MAMLD1: variants seen among roughly 807,000 people sequenced by gnomAD.
MAMLD1 encodes the protein mastermind like domain containing 1, also known as mastermind-like domain-containing protein 1.
MAMLD1 carries 14 observed loss-of-function variants against 45.0 expected under a neutral mutation model. That is an observed-to-expected ratio of 0.31 (90% confidence interval 0.21 to 0.49). MAMLD1 has a LOEUF of 0.49. Among genes scored for constraint, MAMLD1 ranks in the 20% least tolerant of loss-of-function variants. The pLI is 0.99. For missense variants in MAMLD1, 543 were observed against 603.6 expected, an observed-to-expected ratio of 0.90 and a Z score of 1.05; for synonymous variants, 254 against 247.8, an observed-to-expected ratio of 1.02 and a Z score of -0.24.
intron 3 of MAMLD1, among the ~76,000 whole-genome samples, chrX:150,466,739 T>C (rs782645712): frequency 8.9e-6 from 1 of 112,037 alleles, no homozygotes; most frequent in South Asian, 3.8e-4. Flanking sequence ...AAAAGGTGTG[T>C]GTATACGGGC....
intron 5 of MAMLD1, among the ~76,000 whole-genome samples, chrX:150,499,728 G>A (rs1430038950): frequency 9.0e-6 from 1 of 111,502 alleles, no homozygotes; most frequent in East Asian, 2.8e-4. Flanking sequence ...TATTAGCTAG[G>A]AACAATCTAT....
At chrX:150,376,923 CTGAG>C (rs1191299662) in intron 1 of MAMLD1, among the ~76,000 whole-genome samples, 3 of 109,043 alleles carry the variant, frequency 2.8e-5, no homozygotes, top group East Asian at 5.7e-4. Context: ...TATTTTTGTA[CTGAG>C]TAACAGTTTG....
chrX:150,404,657 T>C (rs2033953668), intron 1 of MAMLD1, among the ~76,000 whole-genome samples: 1 of 111,688 alleles, frequency 9.0e-6, no homozygotes, highest in South Asian at 3.8e-4. Context: ...GTCCCCAAAG[T>C]TTCCTTGTGG....
intron 6 of MAMLD1, among the ~76,000 whole-genome samples, chrX:150,507,744 C>G (rs2037773668): frequency 8.9e-6 from 1 of 112,502 alleles, no homozygotes. Flanking sequence ...TGAAGCCTGC[C>G]CTGCCCCGGC....
At chrX:150,473,360 CT>C (rs1213882855) in intron 4 of MAMLD1, among the ~76,000 whole-genome samples, 3 of 112,442 alleles carry the variant, frequency 2.7e-5, no homozygotes, top group African/African-American at 9.7e-5. Context: ...TTATAAAGTG[CT>C]TGGCCAGAGA....
intron 3 of MAMLD1, among the ~76,000 whole-genome samples, chrX:150,469,511 G>A (rs1383551628): frequency 8.9e-6 from 1 of 111,930 alleles, no homozygotes; most frequent in Non-Finnish European, 1.9e-5. Context: ...GTATTTTATA[G>A]TTTTCACAAC....
intron 3 of MAMLD1, among the ~76,000 whole-genome samples, chrX:150,464,934 T>C (rs1455979542): frequency 8.9e-6 from 1 of 112,141 alleles, no homozygotes; most frequent in Non-Finnish European, 1.9e-5. Flanking sequence ...TGAACTGAAC[T>C]GGTGAGGCAC....
At chrX:150,481,961 G>GAAAAAAGAAAGAAAGAAAGA (rs2036789901) in intron 5 of MAMLD1, among the ~76,000 whole-genome samples, 1 of 58,213 alleles carries the variant, frequency 1.7e-5, no homozygotes, top group Non-Finnish European at 3.0e-5. Flanking sequence ...AAGAAAGAAA[G>GAAAAAAGAAAGAAAGAAAGA]AAAAAAGAAA....
intron 5 of MAMLD1, among the ~76,000 whole-genome samples, chrX:150,489,388 T>C (rs1346596111): frequency 9.1e-6 from 1 of 109,970 alleles, no homozygotes; most frequent in African/African-American, 3.3e-5. Context: ...AGAGTCAAGG[T>C]AGCTTCCTTG....
chrX:150,399,012 C>T (rs1329869056), intron 1 of MAMLD1, among the ~76,000 whole-genome samples: 2 of 112,298 alleles, frequency 1.8e-5, no homozygotes, highest in South Asian at 3.7e-4. Flanking sequence ...CTGAGTATGA[C>T]ATGCTGGTAA....
intron 1 of MAMLD1, among the ~76,000 whole-genome samples, chrX:150,390,810 CTGTT>C (rs1304645792): frequency 8.9e-6 from 1 of 112,267 alleles, no homozygotes; most frequent in Non-Finnish European, 1.9e-5. Flanking sequence ...CATTTCCTGT[CTGTT>C]TGAGAACTTC....
At chrX:150,409,494 A>G (rs148367757) in intron 1 of MAMLD1, among the ~76,000 whole-genome samples, 353 of 111,366 alleles carry the variant, frequency 3.2e-3, no homozygotes, top group African/African-American at 0.011. Flanking sequence ...TAAGTATTGC[A>G]TGTCTGAAAA....
rs782337643 is a variant in MAMLD1 at position 150,512,147 on chromosome X, G to C, written c.*188G>C. On this transcript the variant is annotated 3_prime_UTR_variant, in exon 8 of 8. Coordinates refer to ENST00000370401, the MANE Select transcript of MAMLD1 (RefSeq NM_005491.5). ...CCCACTCACCAGGCACCAGAGCTGC[G>C]AGGGCATGGGAGTGATCTCACCAAC... is the stretch of plus-strand genomic sequence containing the variant. 1.7e-6 allele frequency: 2 copies of C among 1,150,621 alleles called. No homozygotes were observed. Among genetic ancestry groups the C allele is most frequent in the Non-Finnish European group, 2.3e-6 (2 of 869,890 alleles). The allele number at this position is 1,150,621 out of a possible 1,213,427, so 94.8% of individuals were successfully genotyped here. A position where few individuals can be genotyped will look rare whatever the true frequency, so the allele number is the denominator to read the frequency against.
chrX:150,379,155 T>C (rs1557401535), intron 1 of MAMLD1, among the ~76,000 whole-genome samples: 1 of 111,855 alleles, frequency 8.9e-6, no homozygotes, highest in African/African-American at 3.3e-5. Flanking sequence ...CCATAAACCA[T>C]GAGTTCACAC....
intron 6 of MAMLD1, among the ~76,000 whole-genome samples, chrX:150,508,896 G>A (rs1321601633): frequency 8.9e-6 from 1 of 111,859 alleles, no homozygotes; most frequent in Non-Finnish European, 1.9e-5. Flanking sequence ...TCCCCTCACT[G>A]TGTGGGGTGA....
chrX:150,457,480 A>G (rs1557405381), intron 2 of MAMLD1, among the ~76,000 whole-genome samples: 1 of 112,309 alleles, frequency 8.9e-6, no homozygotes, highest in African/African-American at 3.2e-5. Context: ...CTTGGTATAC[A>G]CCCAAAAGAA....
At chrX:150,452,497 T>G (rs1294718629) in intron 2 of MAMLD1, among the ~76,000 whole-genome samples, 1 of 111,108 alleles carries the variant, frequency 9.0e-6, no homozygotes, top group Admixed American at 9.5e-5. Flanking sequence ...GTGGAGGGTG[T>G]GCTTTAATCC....
At chrX:150,475,366 G>A (rs139418008) in intron 5 of MAMLD1, among the ~76,000 whole-genome samples, 79 of 111,733 alleles carry the variant, frequency 7.1e-4, no homozygotes, top group African/African-American at 2.5e-3. Flanking sequence ...ACCGCACCTG[G>A]TCTAGATCTT....
chrX:150,494,661 G>A (rs944984142), intron 5 of MAMLD1, among the ~76,000 whole-genome samples: 9 of 105,634 alleles, frequency 8.5e-5, no homozygotes, highest in Admixed American at 2.0e-4. Flanking sequence ...CAGGCAGATC[G>A]CTTGAGCCCA....
Sources: gnomAD v4.1 joint callset for allele counts (sites outside exome capture counted in the v4.1 genomes callset) on GRCh38, gnomAD v4.1.1 for gene constraint, MANE v1.5 for transcripts, NCBI Gene and HGNC (gene_info 2026-07-23, HGNC 2026-07-21) for gene names.